The following PACRG variants were observed in gnomAD, a reference collection of about 807,000 sequenced individuals.
PACRG encodes parkin coregulated.
A neutral mutation model predicts 29.7 loss-of-function variants in PACRG; 29 were observed. That is an observed-to-expected ratio of 0.98 (90% CI 0.73 to 1.33). The LOEUF (loss-of-function observed/expected upper bound fraction) is 1.33, where lower values mean the gene tolerates loss of function less well. PACRG is among the 40% of genes most tolerant of loss of function. The pLI is 0.00. For missense variants in PACRG, 279 were observed against 316.2 expected, an observed-to-expected ratio of 0.88 and a Z score of 0.89; for synonymous variants, 116 against 118.7, an observed-to-expected ratio of 0.98 and a Z score of 0.15.
chr6:163,120,372 G>T (rs969687275), intron 4 of PACRG, among the ~76,000 whole-genome samples: 14 of 152,118 alleles, frequency 9.2e-5, no homozygotes, highest in African/African-American at 3.4e-4. Flanking sequence ...ATGGTTATGT[G>T]TTCTTAGCTA....
At chr6:162,979,497 C>T (rs1802232395) in intron 2 of PACRG, among the ~76,000 whole-genome samples, 1 of 152,102 alleles carries the variant, frequency 6.6e-6, no homozygotes, top group African/African-American at 2.4e-5. Context: ...TGAGTGTCTT[C>T]TTGGCTGTGC....
chr6:163,126,116 C>T (rs1054307206), intron 4 of PACRG, among the ~76,000 whole-genome samples: 1 of 152,152 alleles, frequency 6.6e-6, no homozygotes, highest in South Asian at 2.1e-4. Context: ...AAAGATTGGA[C>T]GAACAGGCAC....
At chr6:163,308,297 A>AG (rs1319028111) in intron 4 of PACRG, among the ~76,000 whole-genome samples, 1 of 152,234 alleles carries the variant, frequency 6.6e-6, no homozygotes, top group East Asian at 1.9e-4. Flanking sequence ...TGCTTAAAAA[A>AG]CAAGGAGTAA....
chr6:163,210,962 G>T (rs1420230606), intron 4 of PACRG, among the ~76,000 whole-genome samples: 1 of 152,150 alleles, frequency 6.6e-6, no homozygotes, highest in Non-Finnish European at 1.5e-5. Context: ...GTCTTAAAAT[G>T]GAAAAATGTC....
chr6:163,071,712 G>C (rs926381796), intron 3 of PACRG, among the ~76,000 whole-genome samples: 2 of 123,060 alleles, frequency 1.6e-5, no homozygotes, highest in African/African-American at 6.7e-5. Flanking sequence ...AAAAAAAAAA[G>C]ACCCAAATAA....
intron 2 of PACRG, among the ~76,000 whole-genome samples, chr6:162,870,765 G>A (rs1792737032): frequency 6.6e-6 from 1 of 152,160 alleles, no homozygotes; most frequent in South Asian, 2.1e-4. Context: ...TTCTTATGGG[G>A]TAGAAATTTC....
chr6:163,003,535 AAAC>A (rs1249199064), intron 2 of PACRG, among the ~76,000 whole-genome samples: 1 of 152,214 alleles, frequency 6.6e-6, no homozygotes, highest in Non-Finnish European at 1.5e-5. Flanking sequence ...TTTCCAACTC[AAAC>A]TTCCCTTTTT....
chr6:163,214,228 T>G (rs570971028), intron 4 of PACRG, among the ~76,000 whole-genome samples: 1 of 152,132 alleles, frequency 6.6e-6, no homozygotes, highest in East Asian at 1.9e-4. Flanking sequence ...ATTTTATAAA[T>G]TTCTAATTAA....
chr6:162,747,361 T>TAC lies in PACRG; in HGVS notation c.156+18971_156+18972insCA, dbSNP rs1377913184. On this transcript the variant is annotated intron_variant, in intron 1 of 4. Transcript: ENST00000366888. ...ATATATATATATATATATATATATATATACACATACATATATATGTATATA... is the reference window on the plus strand; with the variant it reads ...ATATATATATATATATATATATATATACATACACATACATATATATGTATATA... Among the ~76,000 whole-genome samples, 10 of 43,908 alleles carry TAC rather than the reference T, an allele frequency of 2.3e-4. 1 individual carries two copies. The highest frequency in any genetic ancestry group is 3.4e-4 in the Admixed American group (1 of 2,936). The allele number at this position is 43,908 out of a possible 152,430, so 28.8% of individuals were successfully genotyped here. A position where few individuals can be genotyped will look rare whatever the true frequency, so the allele number is the denominator to read the frequency against.
intron 4 of PACRG, among the ~76,000 whole-genome samples, chr6:163,221,795 C>T (rs1327923625): frequency 6.6e-6 from 1 of 152,158 alleles, no homozygotes; most frequent in Non-Finnish European, 1.5e-5. Flanking sequence ...CTGTTGACAG[C>T]AAGGCCTTTG....
chr6:163,153,787 C>G (rs1366610895), intron 4 of PACRG, among the ~76,000 whole-genome samples: 1 of 152,192 alleles, frequency 6.6e-6, no homozygotes, highest in Admixed American at 6.5e-5. Flanking sequence ...GAGAACAGTA[C>G]AACTCAAAGA....
intron 4 of PACRG, among the ~76,000 whole-genome samples, chr6:163,147,764 CCTTT>C (rs943022474): frequency 5.3e-5 from 8 of 152,172 alleles, no homozygotes; most frequent in African/African-American, 1.9e-4. Flanking sequence ...TCTTGCACAG[CCTTT>C]CTTTTTGGGC....
At chr6:162,937,967 G>A (rs975572695) in intron 2 of PACRG, among the ~76,000 whole-genome samples, 1 of 151,930 alleles carries the variant, frequency 6.6e-6, no homozygotes, top group Non-Finnish European at 1.5e-5. Flanking sequence ...GTTCTTTAGT[G>A]GTGATTTGTG....
At chr6:162,830,948 G>A (rs1788716817) in intron 2 of PACRG, among the ~76,000 whole-genome samples, 1 of 152,100 alleles carries the variant, frequency 6.6e-6, no homozygotes. Context: ...CATGCGTTGA[G>A]CATCTTTGTT....
chr6:163,217,219 G>A (rs1404057603), intron 4 of PACRG, among the ~76,000 whole-genome samples: 1 of 152,220 alleles, frequency 6.6e-6, no homozygotes, highest in Non-Finnish European at 1.5e-5. Flanking sequence ...CAGCCCGATT[G>A]TTGTAGGTAT....
At chr6:163,240,146 G>C (rs1053917887) in intron 4 of PACRG, among the ~76,000 whole-genome samples, 1 of 151,994 alleles carries the variant, frequency 6.6e-6, no homozygotes, top group Admixed American at 6.6e-5. Flanking sequence ...CTCTGCTTCC[G>C]AGACGGTGGT....
chr6:162,944,011 A>G (rs185680195), intron 2 of PACRG, among the ~76,000 whole-genome samples: 1 of 152,268 alleles, frequency 6.6e-6, no homozygotes, highest in Non-Finnish European at 1.5e-5. Flanking sequence ...CTGGAGGCCC[A>G]AGAATATGCC....
chr6:162,899,746 C>A (rs893623056), intron 2 of PACRG, among the ~76,000 whole-genome samples: 1 of 152,044 alleles, frequency 6.6e-6, no homozygotes, highest in East Asian at 1.9e-4. Flanking sequence ...TCACTGGATA[C>A]GAGTAATATT....
chr6:163,257,419 T>A (rs1170301188), intron 4 of PACRG, among the ~76,000 whole-genome samples: 1 of 152,140 alleles, frequency 6.6e-6, no homozygotes, highest in Admixed American at 6.5e-5. Context: ...AGTGGTGGTA[T>A]AAGAAATAGT....
Sources: allele counts gnomAD v4.1 joint callset (sites outside exome capture counted in the v4.1 genomes callset), GRCh38; gene constraint gnomAD v4.1.1; transcripts MANE v1.5; gene names NCBI Gene and HGNC (gene_info 2026-07-23, HGNC 2026-07-21).